Variants in FAM117B observed in about 807,000 individuals in gnomAD.
FAM117B encodes the protein protein FAM117B.
Under a neutral mutation model 52.8 loss-of-function variants are expected in FAM117B, and 22 were observed. That is an observed-to-expected ratio of 0.42 (90% CI 0.30 to 0.59). FAM117B has a LOEUF of 0.59. Ranked by LOEUF, FAM117B falls within the 20% of genes least tolerant of loss-of-function variation. The pLI is 0.22. For missense variants in FAM117B, 678 were observed against 802.6 expected (o/e 0.84, Z 1.88); for synonymous variants, 309 against 324.1 (o/e 0.95, Z 0.50).
intron 4 of FAM117B, among the ~76,000 whole-genome samples, chr2:202,743,616 C>A (rs370432303): frequency 6.9e-4 from 93 of 133,834 alleles, no homozygotes; most frequent in African/African-American, 2.5e-3. Flanking sequence ...CAATGACATA[C>A]AAAAGAACAC....
intron 1 of FAM117B, among the ~76,000 whole-genome samples, chr2:202,643,932 A>G (rs966401939): frequency 6.6e-6 from 1 of 151,658 alleles, no homozygotes; most frequent in African/African-American, 2.4e-5. Context: ...CTGGTCTCGA[A>G]CTCCTGGCCT....
chr2:202,759,633 C>T (rs1691855059), intron 7 of FAM117B, among the ~76,000 whole-genome samples: 1 of 151,180 alleles, frequency 6.6e-6, no homozygotes, highest in South Asian at 2.1e-4. Flanking sequence ...TCTCAGCTCA[C>T]TGCAATCTCT....
chr2:202,666,616 G>A (rs1473694357), intron 1 of FAM117B, among the ~76,000 whole-genome samples: 1 of 150,060 alleles, frequency 6.7e-6, no homozygotes, highest in Non-Finnish European at 1.5e-5. Flanking sequence ...ACTTTCTACT[G>A]TATTCACTTC....
chr2:202,674,956 C>T (rs772935886), intron 1 of FAM117B, among the ~76,000 whole-genome samples: 42 of 152,098 alleles, frequency 2.8e-4, no homozygotes, highest in Admixed American at 8.5e-4. Context: ...AAGTTGGGGC[C>T]GGATGCAGTG....
chr2:202,730,782 C>T (rs1455543231), intron 4 of FAM117B, among the ~76,000 whole-genome samples: 2 of 152,166 alleles, frequency 1.3e-5, no homozygotes, highest in Non-Finnish European at 2.9e-5. Context: ...AATGTAAGAG[C>T]TAAACCTAAC....
At chr2:202,713,828 T>A (rs954789635) in intron 2 of FAM117B, among the ~76,000 whole-genome samples, 6 of 152,172 alleles carry the variant, frequency 3.9e-5, no homozygotes, top group African/African-American at 1.4e-4. Flanking sequence ...TGCCTCAGCC[T>A]CCCAAGTAGC....
chr2:202,724,051 C>CTTTTTT (rs34063266), intron 2 of FAM117B, among the ~76,000 whole-genome samples: 38 of 89,756 alleles, frequency 4.2e-4, no homozygotes, highest in African/African-American at 5.6e-4. Context: ...TAAGGTTTAA[C>CTTTTTT]TTTTTTTTTT....
At chr2:202,669,942 A>G (rs1288245597) in intron 1 of FAM117B, among the ~76,000 whole-genome samples, 1 of 152,216 alleles carries the variant, frequency 6.6e-6, no homozygotes, top group African/African-American at 2.4e-5. Flanking sequence ...TGTGGCCACA[A>G]AAATTAAGTA....
At chr2:202,722,540 A>T (rs889139339) in intron 2 of FAM117B, among the ~76,000 whole-genome samples, 9 of 152,182 alleles carry the variant, frequency 5.9e-5, no homozygotes, top group African/African-American at 1.9e-4. Flanking sequence ...ATGGAGCTAG[A>T]GGCCATTATC....
Position 202,646,461 on chromosome 2 carries a change from C to G in FAM117B, c.601+10673C>G, listed in dbSNP as rs189201372. Among the ~76,000 whole-genome samples, 3 of 152,226 alleles carry G rather than the reference C, an allele frequency of 2.0e-5. No individual in the cohort carries two copies. In the East Asian group the frequency reaches 5.8e-4, roughly 29 times the overall value. On this transcript the variant is annotated intron_variant, in intron 1 of 7. Coordinates refer to ENST00000392238, the MANE Select transcript of FAM117B (RefSeq NM_173511.4). The stretch of plus-strand genomic sequence containing the variant: ...TTTTTTCTTCTCTTGGGCCAGTTTC[C>G]CCAGGGAAGAGACCTCAGTATCATG...
chr2:202,648,641 T>C (rs1689907969), intron 1 of FAM117B, among the ~76,000 whole-genome samples: 1 of 152,102 alleles, frequency 6.6e-6, no homozygotes, highest in African/African-American at 2.4e-5. Context: ...CTTTTATTTA[T>C]AAACATTTAG....
chr2:202,741,649 G>T (rs2105793582), intron 4 of FAM117B, among the ~76,000 whole-genome samples: 1 of 151,762 alleles, frequency 6.6e-6, no homozygotes, highest in South Asian at 2.1e-4. Context: ...CCATTCTCCT[G>T]CCTCAGCCTC....
chr2:202,721,315 T>G (rs1318773699), intron 2 of FAM117B, among the ~76,000 whole-genome samples: 1 of 152,198 alleles, frequency 6.6e-6, no homozygotes, highest in Non-Finnish European at 1.5e-5. Context: ...TAATATAAAA[T>G]GTATGAAAGA....
At chr2:202,742,896 A>G (rs79371141) in intron 4 of FAM117B, among the ~76,000 whole-genome samples, 1,546 of 152,282 alleles carry the variant, frequency 0.01, 26 homozygotes, top group African/African-American at 0.035. Flanking sequence ...ACCTCTTGGG[A>G]GTCTGAGGAT....
At chr2:202,666,026 A>C (rs972937172) in intron 1 of FAM117B, among the ~76,000 whole-genome samples, 3 of 152,216 alleles carry the variant, frequency 2.0e-5, no homozygotes, top group African/African-American at 7.2e-5. Context: ...AACACAAACA[A>C]ATAGCTATAA....
rs575534372 is a variant in FAM117B, at chr2:202,700,001, G to T, written c.753+3969G>T. ...ATTGTTTTGAGGTGCCATGAACCAT[G>T]CCTATATAAGACGGGGAACTTAATT... is the stretch of plus-strand genomic sequence containing the variant. On this transcript the variant is annotated intron_variant, in intron 2 of 7. Transcript: ENST00000392238. Among the ~76,000 whole-genome samples the T allele has an allele frequency of 3.9e-5, 6 of 152,314 alleles. No homozygotes were observed. In the East Asian group the frequency reaches 7.7e-4, roughly 20 times the overall value.
At chr2:202,750,893 GC>G (rs1181086563) in intron 4 of FAM117B, among the ~76,000 whole-genome samples, 2 of 152,076 alleles carry the variant, frequency 1.3e-5, no homozygotes, top group Non-Finnish European at 2.9e-5. Flanking sequence ...ACATGAAGGG[GC>G]AAAGGAAGAA....
In FAM117B at chr2:202,755,696, A is replaced by G. The variant is rs1300842270; in HGVS notation, c.1104+15A>G. Reference sequence around the variant, plus strand: ...AGCAACTTATAGTAAGTGATCTTGTATCTTAAAATCATTCTTGAACTCTTA... The same window carrying G: ...AGCAACTTATAGTAAGTGATCTTGTGTCTTAAAATCATTCTTGAACTCTTA... On this transcript the variant is annotated intron_variant, in intron 5 of 7. Coordinates refer to ENST00000392238, the MANE Select transcript of FAM117B (RefSeq NM_173511.4). 1.9e-6 allele frequency: 3 copies of G among 1,604,372 alleles called. No individual in the cohort carries two copies. Among genetic ancestry groups the G allele is most frequent in the Non-Finnish European group, 1.7e-6 (2 of 1,174,886 alleles).
intron 2 of FAM117B, among the ~76,000 whole-genome samples, chr2:202,707,829 TGCAATCTTG>T (rs1357416647): frequency 2.0e-5 from 3 of 151,668 alleles, no homozygotes; most frequent in African/African-American, 7.3e-5. Flanking sequence ...AGTGCAGCAG[TGCAATCTTG>T]GCTCACTGCA....
Sources: gnomAD v4.1 joint callset for allele counts (sites outside exome capture counted in the v4.1 genomes callset) on GRCh38, gnomAD v4.1.1 for gene constraint, MANE v1.5 for transcripts, NCBI Gene and HGNC (gene_info 2026-07-23, HGNC 2026-07-21) for gene names.